Variants in CRPPA observed in about 807,000 individuals in gnomAD.
The protein encoded by CRPPA is CDP-L-ribitol pyrophosphorylase A.
A neutral mutation model predicts 52.0 loss-of-function variants in CRPPA; 43 were observed. The ratio of observed to expected loss-of-function variants is 0.83; its 90% CI spans 0.65 to 1.07. The LOEUF is 1.07. Ranked by LOEUF, CRPPA falls within the 50% of genes least tolerant of loss-of-function variation. The pLI is 0.00. For synonymous variants in CRPPA, 250 were observed against 203.5 expected (o/e 1.23, Z -1.94); for missense variants, 629 against 551.7 (o/e 1.14, Z -1.40).
chr7:16,324,529 TG>T (rs1311614299), intron 3 of CRPPA, among the ~76,000 whole-genome samples: 7 of 152,246 alleles, frequency 4.6e-5, no homozygotes, highest in African/African-American at 1.2e-4. Context: ...CTTTGGGCAC[TG>T]GCCTTTGATG....
chr7:16,406,178 T>A lies in CRPPA; in HGVS notation c.417A>T (p.Glu139Asp). Residue 139 changes from glutamate to aspartate, a missense_variant, in exon 2 of 10, where the codon GAA becomes GAT. Glu to Asp is a conservative substitution (Grantham distance 45, BLOSUM62 2). Coordinates refer to ENST00000407010, the MANE Select transcript of CRPPA (RefSeq NM_001101426.4). ...TAGAGAGTTTAGAGTTGATCTGATC[T>A]TCTGCCAGTGCTTTTAGTCCATTGA... ...SIFNGLKALA[E>D]DQINSKLSKP... The A allele has an allele frequency of 6.2e-7, 1 of 1,613,998 alleles. No homozygotes were observed. Among genetic ancestry groups the A allele is most frequent in the Non-Finnish European group, 8.5e-7 (1 of 1,179,880 alleles).
intron 5 of CRPPA, among the ~76,000 whole-genome samples, chr7:16,286,036 AAAATATAAAT>A (rs1784425072): frequency 2.4e-3 from 45 of 18,802 alleles, no homozygotes; most frequent in African/African-American, 7.0e-3. Flanking sequence ...AAAAAAAAAA[AAAATATAAAT>A]ATATATATAT....
At chr7:16,164,006 G>C (rs954825629) in intron 9 of CRPPA, among the ~76,000 whole-genome samples, 2 of 152,060 alleles carry the variant, frequency 1.3e-5, no homozygotes, top group African/African-American at 4.8e-5. Flanking sequence ...TGCTCTTCTA[G>C]AGTATCTTTA....
chr7:16,173,982 C>A (rs1479027228), intron 9 of CRPPA, among the ~76,000 whole-genome samples: 2 of 152,002 alleles, frequency 1.3e-5, no homozygotes, highest in Non-Finnish European at 2.9e-5. Context: ...AAATTGGACA[C>A]CTGATGGGTT....
intron 8 of CRPPA, among the ~76,000 whole-genome samples, chr7:16,239,137 C>A (rs78929334): frequency 4.7e-4 from 42 of 88,494 alleles, no homozygotes; most frequent in Admixed American, 9.3e-4. Context: ...GACTCTGTCT[C>A]AAAAAAAAAA....
intron 3 of CRPPA, among the ~76,000 whole-genome samples, chr7:16,362,143 C>G (rs775520276): frequency 6.6e-6 from 1 of 152,196 alleles, no homozygotes; most frequent in Non-Finnish European, 1.5e-5. Flanking sequence ...CGTGAGCCAC[C>G]GCGCTCGGCC....
At chr7:16,226,705 A>G (rs560811951) in intron 8 of CRPPA, among the ~76,000 whole-genome samples, 5 of 152,064 alleles carry the variant, frequency 3.3e-5, no homozygotes, top group East Asian at 1.9e-4. Flanking sequence ...TAGGCAGATA[A>G]GATTGATAAG....
chr7:16,395,981 A>C (rs940459152), intron 2 of CRPPA, among the ~76,000 whole-genome samples: 6 of 152,206 alleles, frequency 3.9e-5, no homozygotes, highest in Non-Finnish European at 7.3e-5. Flanking sequence ...AGCACCTCAG[A>C]GAATAGGTCA....
intron 2 of CRPPA, among the ~76,000 whole-genome samples, chr7:16,378,445 A>C (rs1786969570): frequency 6.6e-6 from 1 of 151,444 alleles, no homozygotes; most frequent in Admixed American, 6.6e-5. Flanking sequence ...TGAACTCATC[A>C]TTTTTTATGG....
intron 2 of CRPPA, among the ~76,000 whole-genome samples, chr7:16,379,557 T>C (rs950245851): frequency 1.4e-4 from 22 of 152,206 alleles, no homozygotes; most frequent in African/African-American, 3.4e-4. Context: ...GGGGATGGCA[T>C]TGAATCTATA....
At chr7:16,110,237 T>C (rs1782233496) in intron 9 of CRPPA, among the ~76,000 whole-genome samples, 1 of 152,064 alleles carries the variant, frequency 6.6e-6, no homozygotes, top group Admixed American at 6.6e-5. Context: ...AAGACCTATA[T>C]AGTGAAAACT....
In CRPPA at chr7:16,208,863, A is replaced by G. The variant is rs1782039144; in HGVS notation, c.1251+7203T>C. ...TATGTTGTATATAATGACATTGGGCACTTAGAAAATAAGCTGGATGTTTGG... is the reference window on the plus strand; with the variant it reads ...TATGTTGTATATAATGACATTGGGCGCTTAGAAAATAAGCTGGATGTTTGG... On this transcript the variant is annotated intron_variant, in intron 9 of 9. Coordinates refer to ENST00000407010, the MANE Select transcript of CRPPA (RefSeq NM_001101426.4). 1.4e-5 allele frequency: 3 copies of G among 208,916 alleles called. No homozygotes were observed. In the South Asian group the frequency reaches 2.1e-4, roughly 15 times the overall value. 12.9% of individuals were successfully genotyped at this position (208,916 alleles called of 1,614,324 possible).
intron 9 of CRPPA, among the ~76,000 whole-genome samples, chr7:16,151,842 T>C (rs942336747): frequency 5.3e-5 from 8 of 152,040 alleles, no homozygotes; most frequent in Non-Finnish European, 7.4e-5. Flanking sequence ...GTAAATATTG[T>C]AGGAAATTAC....
At chr7:16,251,967 T>C (rs1332507613) in intron 8 of CRPPA, among the ~76,000 whole-genome samples, 2 of 151,622 alleles carry the variant, frequency 1.3e-5, no homozygotes, top group East Asian at 1.9e-4. Flanking sequence ...ATTGAGAAAA[T>C]AGACAGACCG....
At chr7:16,144,620 C>G (rs1274026164) in intron 9 of CRPPA, among the ~76,000 whole-genome samples, 1 of 152,152 alleles carries the variant, frequency 6.6e-6, no homozygotes, top group Non-Finnish European at 1.5e-5. Flanking sequence ...CTAAAACCGA[C>G]CTTTGATCAT....
chr7:16,245,318 A>G (rs1783239976), intron 8 of CRPPA, among the ~76,000 whole-genome samples: 1 of 152,200 alleles, frequency 6.6e-6, no homozygotes, highest in South Asian at 2.1e-4. Flanking sequence ...TATAATTATC[A>G]TATTTTCCAT....
intron 9 of CRPPA, among the ~76,000 whole-genome samples, chr7:16,111,118 G>C (rs575307166): frequency 6.6e-6 from 1 of 151,834 alleles, no homozygotes; most frequent in Non-Finnish European, 1.5e-5. Context: ...AACGGCAAGG[G>C]ACCTGAATAA....
rs368815582 is a variant in CRPPA, at chr7:16,406,193, T to C, written c.402A>G (p.Leu134=). Residue 134 remains leucine, a synonymous_variant, in exon 2 of 10, where the codon CTA becomes CTG. Transcript: ENST00000407010. ...VTRHRSIFNG[L]KALAEDQINS... ...TGATCTGATCTTCTGCCAGTGCTTTTAGTCCATTGAAAATTGACCTGTGGC... is the reference window on the plus strand; with the variant it reads ...TGATCTGATCTTCTGCCAGTGCTTTCAGTCCATTGAAAATTGACCTGTGGC... 78 of 1,613,910 alleles carry C rather than the reference T, an allele frequency of 4.8e-5. No homozygotes were observed. Among genetic ancestry groups the C allele is most frequent in the Admixed American group, 6.7e-5 (4 of 60,002 alleles).
At chr7:16,092,427 A>T (rs1781855868) in intron 9 of CRPPA, among the ~76,000 whole-genome samples, 1 of 152,204 alleles carries the variant, frequency 6.6e-6, no homozygotes, top group Non-Finnish European at 1.5e-5. Context: ...ATCTTTTAAA[A>T]GAGGGATGTG....
Sources: allele counts gnomAD v4.1 joint callset (sites outside exome capture counted in the v4.1 genomes callset), GRCh38; gene constraint gnomAD v4.1.1; transcripts MANE v1.5; gene names NCBI Gene and HGNC (gene_info 2026-07-23, HGNC 2026-07-21).